The following ZC3H12B variants were observed in gnomAD, a reference collection of about 807,000 sequenced individuals.
The protein encoded by ZC3H12B is zinc finger CCCH-type containing 12B.
Under a neutral mutation model 43.9 loss-of-function variants are expected in ZC3H12B, and 7 were observed. That is an observed-to-expected ratio of 0.16 (90% CI 0.09 to 0.30). The LOEUF (loss-of-function observed/expected upper bound fraction) is 0.30. Among genes scored for constraint, ZC3H12B ranks in the 10% least tolerant of loss-of-function variants. ZC3H12B has a pLI of 1.00. For synonymous variants in ZC3H12B, 222 were observed against 241.7 expected (o/e 0.92, Z 0.76); for missense variants, 475 against 670.2 (o/e 0.71, Z 3.22).
chrX:65,187,167 A>C, the ZC3H12B span: 1 of 111,755 alleles, frequency 8.9e-6, no homozygotes, highest in Non-Finnish European at 1.9e-5. Flanking sequence ...GTTTCATATT[A>C]ACTTCTATGC....
chrX:65,418,795 C>A (rs1323935390), intron 3 of ZC3H12B, among the ~76,000 whole-genome samples: 5 of 111,668 alleles, frequency 4.5e-5, no homozygotes, highest in Admixed American at 2.9e-4. Flanking sequence ...AGTATACAGA[C>A]CCAGAACCCC....
the ZC3H12B span, among the ~76,000 whole-genome samples, chrX:65,157,328 A>G: frequency 8.9e-5 from 10 of 112,374 alleles, no homozygotes; most frequent in Non-Finnish European, 1.7e-4. Flanking sequence ...ATTTAATAAG[A>G]TATGCTCAAC....
At chrX:65,239,748 G>T in the ZC3H12B span, among the ~76,000 whole-genome samples, 1 of 111,957 alleles carries the variant, frequency 8.9e-6, no homozygotes, top group East Asian at 2.8e-4. Context: ...GTTTTATTTG[G>T]CACCCTTGCA....
intron 3 of ZC3H12B, among the ~76,000 whole-genome samples, chrX:65,477,777 T>G (rs2068014165): frequency 9.3e-6 from 1 of 107,884 alleles, no homozygotes; most frequent in Non-Finnish European, 1.9e-5. Flanking sequence ...AAAAAAAAAT[T>G]TCAATAAACT....
the ZC3H12B span, among the ~76,000 whole-genome samples, chrX:65,131,050 A>C: frequency 8.9e-6 from 1 of 112,170 alleles, no homozygotes; most frequent in South Asian, 3.7e-4. Context: ...CCCATATAAC[A>C]GCACAGTGGT....
the ZC3H12B span, among the ~76,000 whole-genome samples, chrX:65,067,218 G>T: frequency 9.1e-6 from 1 of 110,400 alleles, no homozygotes; most frequent in Non-Finnish European, 1.9e-5. Flanking sequence ...CTAACTCAGT[G>T]TCTGCCCAAA....
chrX:65,253,224 G>C, the ZC3H12B span, among the ~76,000 whole-genome samples: 2 of 112,123 alleles, frequency 1.8e-5, no homozygotes, highest in East Asian at 5.6e-4. Context: ...GAACACAGAT[G>C]CTGGGCTGAA....
chrX:65,333,261 C>A, the ZC3H12B span, among the ~76,000 whole-genome samples: 1 of 111,965 alleles, frequency 8.9e-6, no homozygotes, highest in Non-Finnish European at 1.9e-5. Flanking sequence ...AAAAGCACAC[C>A]ATTCCAGTCA....
At chrX:65,079,844 C>G in the ZC3H12B span, among the ~76,000 whole-genome samples, 1 of 110,859 alleles carries the variant, frequency 9.0e-6, no homozygotes, top group Non-Finnish European at 1.9e-5. Flanking sequence ...ATCAACACTA[C>G]CCAGGAAAAC....
chrX:65,311,098 T>C, the ZC3H12B span, among the ~76,000 whole-genome samples: 1 of 112,117 alleles, frequency 8.9e-6, no homozygotes, highest in Admixed American at 9.5e-5. Context: ...AAGGACTTCA[T>C]GTCTAAAACA....
the ZC3H12B span, among the ~76,000 whole-genome samples, chrX:65,169,523 G>A: frequency 7.1e-5 from 8 of 111,929 alleles, no homozygotes; most frequent in Non-Finnish European, 1.3e-4. Flanking sequence ...GATTTGGGGT[G>A]GAGAGTTCTG....
chrX:65,057,314 A>T, the ZC3H12B span, among the ~76,000 whole-genome samples: 1 of 111,268 alleles, frequency 9.0e-6, no homozygotes, highest in African/African-American at 3.3e-5. Flanking sequence ...GCTTGTCTGT[A>T]AAGGATTTTA....
the ZC3H12B span, among the ~76,000 whole-genome samples, chrX:65,066,237 T>A: frequency 8.1e-5 from 9 of 111,485 alleles, no homozygotes; most frequent in East Asian, 8.5e-4. Flanking sequence ...GTTTTTGGAA[T>A]TTTTAGCATT....
chrX:65,143,590 T>C, the ZC3H12B span, among the ~76,000 whole-genome samples: 1 of 106,148 alleles, frequency 9.4e-6, no homozygotes, highest in African/African-American at 3.5e-5. Flanking sequence ...GGAGATGGAG[T>C]CTCCCTCTGT....
chrX:65,226,331 T>G, the ZC3H12B span, among the ~76,000 whole-genome samples: 2 of 111,304 alleles, frequency 1.8e-5, no homozygotes, highest in African/African-American at 6.5e-5. Flanking sequence ...TGAGAGATTT[T>G]GTCACCACCA....
chrX:65,225,063 A>C, the ZC3H12B span, among the ~76,000 whole-genome samples: 1 of 111,970 alleles, frequency 8.9e-6, no homozygotes, highest in Non-Finnish European at 1.9e-5. Flanking sequence ...GAATGGGTAG[A>C]CTGCCTCCTC....
At chrX:65,227,860 A>G in the ZC3H12B span, among the ~76,000 whole-genome samples, 1 of 111,616 alleles carries the variant, frequency 9.0e-6, no homozygotes, top group Non-Finnish European at 1.9e-5. Context: ...GAATACACCA[A>G]TAAGAGGCTC....
chrX:65,376,751 CA>C (rs756988235), intron 2 of ZC3H12B, among the ~76,000 whole-genome samples: 6 of 111,793 alleles, frequency 5.4e-5, no homozygotes, highest in Non-Finnish European at 9.4e-5. Flanking sequence ...GCTAACGTCA[CA>C]ACACTCAAGT....
rs1409386341 is a variant in ZC3H12B at position 65,381,460 on chromosome X, A to G, written n.295+12462A>G. Among the ~76,000 whole-genome samples the G allele has an allele frequency of 5.4e-5, 6 of 111,715 alleles. 1 individual carries two copies. The highest frequency in any genetic ancestry group is 2.0e-4 in the African/African-American group (6 of 30,659). Reference sequence around the variant, plus strand: ...CTGAGACACATTCAAAGCAGTGTGTAGAGGGAAATTTATAGCACTAAATGT... The same window carrying G: ...CTGAGACACATTCAAAGCAGTGTGTGGAGGGAAATTTATAGCACTAAATGT... On this transcript the variant is annotated intron_variant and non_coding_transcript_variant, in intron 2 of 5. Transcript: ENST00000617377.
Sources: gnomAD v4.1 joint callset for allele counts (sites outside exome capture counted in the v4.1 genomes callset) on GRCh38, gnomAD v4.1.1 for gene constraint, MANE v1.5 for transcripts, NCBI Gene and HGNC (gene_info 2026-07-23, HGNC 2026-07-21) for gene names.